Variants in DDX10 observed in about 807,000 individuals in gnomAD.
DDX10 encodes DEAD-box helicase 10.
Under a neutral mutation model 104.3 loss-of-function variants are expected in DDX10, and 74 were observed. The observed-to-expected ratio is 0.71, with a 90% CI of 0.59 to 0.86. The LOEUF (loss-of-function observed/expected upper bound fraction) is 0.86. DDX10 is among the 40% of genes least tolerant of loss of function. The pLI is 0.00. For missense variants in DDX10, 952 were observed against 1,040.0 expected, an observed-to-expected ratio of 0.92 and a Z score of 1.16; for synonymous variants, 351 against 353.4, an observed-to-expected ratio of 0.99 and a Z score of 0.08.
At chr11:108,707,001 T>G (rs1258316620) in intron 10 of DDX10, among the ~76,000 whole-genome samples, 164 bp downstream of exon 10, 1 of 152,164 alleles carries the variant, frequency 6.6e-6, no homozygotes, top group East Asian at 1.9e-4. Flanking sequence ...CACAGGAAAA[T>G]TGAGAGGAAG....
intron 13 of DDX10, among the ~76,000 whole-genome samples, chr11:108,801,833 T>C (rs1286975308): frequency 1.3e-5 from 2 of 152,204 alleles, no homozygotes; most frequent in Admixed American, 6.5e-5. Context: ...AGAATGATTA[T>C]CTTGAGTATC....
chr11:108,834,507 A>G (rs1167502290), intron 13 of DDX10, among the ~76,000 whole-genome samples: 2 of 152,094 alleles, frequency 1.3e-5, no homozygotes, highest in African/African-American at 2.4e-5. Context: ...GTGTAACTCA[A>G]ACTTATCAAG....
chr11:108,880,996 C>T (rs1323028457), intron 16 of DDX10, among the ~76,000 whole-genome samples: 1 of 152,156 alleles, frequency 6.6e-6, no homozygotes, highest in African/African-American at 2.4e-5. Context: ...TATAGACAGA[C>T]TCTTATGCAT....
intron 13 of DDX10, among the ~76,000 whole-genome samples, chr11:108,752,401 G>T (rs1186199881): frequency 2.6e-5 from 4 of 152,054 alleles, no homozygotes; most frequent in Admixed American, 6.6e-5. Flanking sequence ...CTTTCCTGTG[G>T]GATGAATTGG....
In DDX10 at chr11:108,771,966, G is replaced by A. The variant is rs560751180; in HGVS notation, c.1965+48504G>A. On this transcript the variant is annotated intron_variant, in intron 13 of 17. Coordinates refer to ENST00000322536, the MANE Select transcript of DDX10 (RefSeq NM_004398.4). ...TTAGCAACATCAGGGCTCTGCTAACGGTACTGGTTTTGTAGCTTTTAGGCT... is the reference window on the plus strand; with the variant it reads ...TTAGCAACATCAGGGCTCTGCTAACAGTACTGGTTTTGTAGCTTTTAGGCT... 8.5e-5 allele frequency among the ~76,000 whole-genome samples: 13 copies of A among 152,244 alleles called. No individual in the cohort carries two copies. In the East Asian group the frequency reaches 1.5e-3, roughly 18 times the overall value.
chr11:108,939,922 G>A (rs553944446), intron 17 of DDX10, among the ~76,000 whole-genome samples: 7 of 152,274 alleles, frequency 4.6e-5, no homozygotes, highest in African/African-American at 1.2e-4. Context: ...TGGTGTGGCA[G>A]GACAAGCACA....
At chr11:108,731,946 A>G (rs932526885) in intron 13 of DDX10, among the ~76,000 whole-genome samples, 2 of 152,152 alleles carry the variant, frequency 1.3e-5, no homozygotes, top group Non-Finnish European at 1.5e-5. Flanking sequence ...TTTGTTGCTC[A>G]TGTTTTAGAA....
intron 13 of DDX10, among the ~76,000 whole-genome samples, chr11:108,818,243 T>C (rs1293833488): frequency 2.0e-5 from 3 of 152,182 alleles, no homozygotes; most frequent in Non-Finnish European, 4.4e-5. Context: ...GAGAGGCAGT[T>C]TGTTCATTAT....
chr11:108,821,072 T>C (rs930334629), intron 13 of DDX10, among the ~76,000 whole-genome samples: 2 of 152,166 alleles, frequency 1.3e-5, no homozygotes, highest in Admixed American at 6.5e-5. Context: ...AAGATGAGTA[T>C]GACAAAGCTC....
chr11:108,834,145 T>A (rs531928965), intron 13 of DDX10, among the ~76,000 whole-genome samples: 2 of 151,476 alleles, frequency 1.3e-5, no homozygotes, highest in South Asian at 4.2e-4. Context: ...TTTTTTTAAT[T>A]TTTAGTAGAG....
intron 17 of DDX10, chr11:108,921,068 G>T (rs1203683323): frequency 6.6e-6 from 1 of 152,146 alleles, no homozygotes; most frequent in Non-Finnish European, 1.5e-5. Context: ...CAATCAATTG[G>T]AACTGGTACG....
intron 13 of DDX10, among the ~76,000 whole-genome samples, chr11:108,827,589 C>T (rs1264358247): frequency 1.3e-5 from 2 of 152,140 alleles, no homozygotes; most frequent in Non-Finnish European, 2.9e-5. Flanking sequence ...ACTTCTTAAA[C>T]GATTATAAAT....
At chr11:108,863,965 C>T (rs1862973672) in intron 16 of DDX10, among the ~76,000 whole-genome samples, 1 of 151,294 alleles carries the variant, frequency 6.6e-6, no homozygotes, top group East Asian at 1.9e-4. Flanking sequence ...ATACGAGGTC[C>T]AAATTCAGTT....
At chr11:108,861,828 C>A (rs1005673600) in intron 16 of DDX10, among the ~76,000 whole-genome samples, 1 of 152,060 alleles carries the variant, frequency 6.6e-6, no homozygotes, top group Non-Finnish European at 1.5e-5. Flanking sequence ...TTGAGACCAG[C>A]CTGGGCAACA....
At chr11:108,841,861 T>C (rs1175618554) in intron 15 of DDX10, among the ~76,000 whole-genome samples, 1 of 152,204 alleles carries the variant, frequency 6.6e-6, no homozygotes, top group Non-Finnish European at 1.5e-5. Context: ...AGTATGTAGC[T>C]TTTTGGAATT....
chr11:108,671,444 G>A (rs1233657527), intron 1 of DDX10, among the ~76,000 whole-genome samples: 1 of 152,202 alleles, frequency 6.6e-6, no homozygotes, highest in African/African-American at 2.4e-5. Context: ...GATTACAGGC[G>A]TGAGCCATCG....
intron 10 of DDX10, among the ~76,000 whole-genome samples, chr11:108,709,923 G>GT (rs1305600534): frequency 6.6e-6 from 1 of 152,104 alleles, no homozygotes; most frequent in Admixed American, 6.5e-5. Flanking sequence ...GGGAATAAGT[G>GT]TGAGCAATGG....
chr11:108,734,473 A>AT (rs1191281618), intron 13 of DDX10, among the ~76,000 whole-genome samples: 2 of 151,860 alleles, frequency 1.3e-5, no homozygotes, highest in Admixed American at 6.6e-5. Context: ...TGCTTTATGT[A>AT]TTTTTTTTCC....
intron 16 of DDX10, among the ~76,000 whole-genome samples, chr11:108,902,222 A>C (rs965702236): frequency 6.6e-6 from 1 of 152,080 alleles, no homozygotes; most frequent in South Asian, 2.1e-4. Context: ...TTTTGAGGCC[A>C]CAGAATATAT....
Sources: gnomAD v4.1 joint callset for allele counts (sites outside exome capture counted in the v4.1 genomes callset) on GRCh38, gnomAD v4.1.1 for gene constraint, MANE v1.5 for transcripts, NCBI Gene and HGNC (gene_info 2026-07-23, HGNC 2026-07-21) for gene names.